Variants in DNAH6 observed in about 807,000 individuals in gnomAD.
DNAH6 encodes the protein dynein axonemal heavy chain 6.
A neutral mutation model predicts 491.4 loss-of-function variants in DNAH6; 340 were observed. The ratio of observed to expected loss-of-function variants is 0.69; its 90% CI spans 0.63 to 0.76. The LOEUF is 0.76. DNAH6 is among the 30% of genes least tolerant of loss of function. DNAH6 has a pLI of 0.00. For synonymous variants in DNAH6, 1,603 were observed against 1,686.1 expected (o/e 0.95, Z 1.21); for missense variants, 4,443 against 4,972.2 (o/e 0.89, Z 3.20).
intron 18 of DNAH6, among the ~76,000 whole-genome samples, chr2:84,600,253 T>G (rs1685084660): frequency 6.6e-6 from 1 of 152,166 alleles, no homozygotes; most frequent in Non-Finnish European, 1.5e-5. Context: ...AGTTTTAGAT[T>G]CATAGAAAAG....
intron 29 of DNAH6, among the ~76,000 whole-genome samples, chr2:84,627,093 C>T (rs72922729): frequency 0.04 from 6,148 of 152,262 alleles, 398 homozygotes; most frequent in African/African-American, 0.14. Flanking sequence ...CCTGAACCAA[C>T]AGCATTAGCA....
intron 35 of DNAH6, among the ~76,000 whole-genome samples, chr2:84,655,153 A>G (rs1690825928): frequency 6.6e-6 from 1 of 152,134 alleles, no homozygotes; most frequent in African/African-American, 2.4e-5. Context: ...CAAAATGAAG[A>G]AAAAGAATAT....
Position 84,812,425 on chromosome 2 carries a change from A to G in DNAH6, c.11824A>G (p.Asn3942Asp). 1 of 1,551,764 alleles carries G rather than the reference A, an allele frequency of 6.4e-7. No individual in the cohort carries two copies. Residue 3942 changes from asparagine to aspartate, a missense_variant, in exon 73 of 77, where the codon AAC (asparagine) becomes GAC (aspartate). This residue lies in a region of DNAH6 where 1,463 missense variants were observed against 1,656.6 expected (regional missense o/e 0.88). Coordinates refer to ENST00000389394, the MANE Select transcript of DNAH6 (RefSeq NM_001370.2). ...GGAAAAAGTGTATAACAGTTTCCTC[A>G]ACAACCAGGTTCCCGCTCTGTGGTC... is the stretch of plus-strand genomic sequence containing the variant. ...EMEKVYNSFL[N>D]NQVPALWSNT...
chr2:84,604,494 C>G lies in DNAH6; in HGVS notation c.3024C>G (p.Ile1008Met). 3 of 1,551,658 alleles carry G rather than the reference C, an allele frequency of 1.9e-6. No homozygotes were observed. The South Asian group carries it at 3.6e-5, about 18-fold the overall frequency. Residue 1008 changes from isoleucine to methionine, a missense_variant, in exon 19 of 77, where the codon ATC (isoleucine) becomes ATG (methionine). Physicochemically the swap from Ile to Met is conservative, Grantham distance 10 (BLOSUM62 1). Coordinates refer to ENST00000389394, the MANE Select transcript of DNAH6 (RefSeq NM_001370.2). ...QLHVFDFGQE[I>M]QDISGQASGE... ...ATGTTTTTGACTTTGGTCAAGAAAT[C>G]CAGGACATATCTGGACAGGCTTCTG... is the stretch of plus-strand genomic sequence containing the variant.
chr2:84,787,411 G>T lies in DNAH6; in HGVS notation c.11239+109G>T, dbSNP rs747215495. 7.8e-6 allele frequency: 6 copies of T among 772,470 alleles called. No homozygotes were observed. In the Admixed American group the frequency reaches 1.8e-4, roughly 23 times the overall value. 47.9% of individuals were successfully genotyped at this position (772,470 alleles called of 1,614,324 possible). A position where few individuals can be genotyped will look rare whatever the true frequency, so the allele number is the denominator to read the frequency against. On this transcript the variant is annotated intron_variant, in intron 68 of 76. Transcript: ENST00000389394. ...TGTCCTCCCCCAGTGTTTAATGGTG[G>T]TGATGATGATATTTTATGTTCCTTG...
the DNAH6 span, among the ~76,000 whole-genome samples, chr2:84,470,895 C>T: frequency 7.9e-5 from 12 of 152,252 alleles, no homozygotes; most frequent in South Asian, 2.1e-4. Context: ...GCAAAGGCCC[C>T]GAGCTCTGGG....
the DNAH6 span, among the ~76,000 whole-genome samples, chr2:84,510,155 T>C: frequency 6.6e-6 from 1 of 152,236 alleles, no homozygotes; most frequent in African/African-American, 2.4e-5. Flanking sequence ...TCCTGGATAA[T>C]ATCCTGCAGA....
At chr2:84,644,875 T>G (rs531340506) in intron 33 of DNAH6, among the ~76,000 whole-genome samples, 2 of 152,326 alleles carry the variant, frequency 1.3e-5, no homozygotes, top group African/African-American at 4.8e-5. Flanking sequence ...ACGTCTTTGC[T>G]ATTTTGAATA....
chr2:84,567,731 G>A (rs1247548571), intron 11 of DNAH6, among the ~76,000 whole-genome samples: 1 of 151,998 alleles, frequency 6.6e-6, no homozygotes, highest in East Asian at 1.9e-4. Flanking sequence ...TCAGGACATA[G>A]GCATGGAAAA....
intron 5 of DNAH6, among the ~76,000 whole-genome samples, chr2:84,545,310 C>T (rs945198244): frequency 2.6e-5 from 4 of 152,116 alleles, no homozygotes; most frequent in African/African-American, 9.7e-5. Flanking sequence ...ATAAGAGGGA[C>T]TATCTCAAGT....
Position 84,713,177 on chromosome 2 carries a change from T to C in DNAH6, c.9461T>C (p.Leu3154Pro), listed in dbSNP as rs758947959. 6 of 1,551,828 alleles carry C rather than the reference T, an allele frequency of 3.9e-6. No individual in the cohort carries two copies. The highest frequency in any genetic ancestry group is 5.2e-6 in the Non-Finnish European group (6 of 1,147,034). Residue 3154 changes from leucine to proline, a missense_variant, in exon 57 of 77, where the codon CTT becomes CCT. Physicochemically the swap from Leu to Pro is moderately conservative, Grantham distance 98. Around this residue, in one of 3 missense-constraint regions of DNAH6, gnomAD observed 1,463 missense variants for 1,656.6 expected, o/e 0.88. Coordinates refer to ENST00000389394, the MANE Select transcript of DNAH6 (RefSeq NM_001370.2). ...AGTGGTGGCCGACTACTCATCCGTC[T>C]TGGAGACTCAGACATTGATTATGAC... ...FISGGRLLIR[L>P]GDSDIDYDKN...
intron 48 of DNAH6, 143 bp downstream of exon 48, chr2:84,699,877 G>A (rs1389071821): frequency 5.2e-6 from 4 of 771,226 alleles, no homozygotes; most frequent in East Asian, 6.0e-5. Context: ...GAATGACCGT[G>A]ACAATCATAG....
At chr2:84,653,258 C>T in intron 33 of DNAH6, 61 bp from the exon 34 acceptor site, 1 of 1,305,304 alleles carries the variant, frequency 7.7e-7, no homozygotes, top group Non-Finnish European at 1.0e-6. Context: ...TTGATTGTAA[C>T]AAATACGGGA....
intron 68 of DNAH6, among the ~76,000 whole-genome samples, chr2:84,789,662 C>CT (rs1677557599): frequency 6.6e-6 from 1 of 152,140 alleles, no homozygotes; most frequent in Admixed American, 6.6e-5. Context: ...ATAACATCTG[C>CT]TTATTATGAG....
chr2:84,677,011 A>G lies in DNAH6; in HGVS notation c.6619A>G (p.Thr2207Ala), dbSNP rs34481428. ...TGGATTTCTCTGCACACAGGATGTAACAATCATATCGGCATGTGCACCTCC... is the reference window on the plus strand; with the variant it reads ...TGGATTTCTCTGCACACAGGATGTAGCAATCATATCGGCATGTGCACCTCC... Reference protein sequence around the residue: ...KLFWKEIQDVTIISACAPPGG... With the variant: ...KLFWKEIQDVAIISACAPPGG... Residue 2207 changes from threonine to alanine, a missense_variant, in exon 41 of 77, where the codon ACA becomes GCA. Transcript: ENST00000389394. 8.4e-6 allele frequency: 13 copies of G among 1,551,718 alleles called. No individual in the cohort carries two copies. The highest frequency in any genetic ancestry group is 1.1e-5 in the Non-Finnish European group (13 of 1,147,006).
chr2:84,768,298 G>C (rs1035541456), intron 64 of DNAH6, among the ~76,000 whole-genome samples: 4 of 151,820 alleles, frequency 2.6e-5, no homozygotes, highest in Non-Finnish European at 5.9e-5. Flanking sequence ...AAGACCAAAA[G>C]TTGACTTTTT....
At chr2:84,585,657 A>C (rs1190232506) in intron 15 of DNAH6, among the ~76,000 whole-genome samples, 2 of 152,074 alleles carry the variant, frequency 1.3e-5, no homozygotes. Flanking sequence ...ATGTATGCCC[A>C]GCTCCTAGCA....
intron 12 of DNAH6, among the ~76,000 whole-genome samples, chr2:84,576,402 G>A (rs1682451715): frequency 6.6e-6 from 1 of 152,222 alleles, no homozygotes; most frequent in South Asian, 2.1e-4. Context: ...AGAGGAGATG[G>A]CATGAATAAA....
rs77788388 is a variant in DNAH6 at position 84,534,534 on chromosome 2, C to G, written c.662+5368C>G. On this transcript the variant is annotated intron_variant, in intron 4 of 76. Transcript: ENST00000389394. ...ACAAACTCAGTTTATCAGCAAAACT[C>G]TTTGTTTTGTGTATGTGAGAAACAC... 2.2e-4 allele frequency among the ~76,000 whole-genome samples: 34 copies of G among 152,072 alleles called. 2 individuals are homozygous for G. The East Asian group carries it at 6.4e-3, about 29-fold the overall frequency.
Sources: allele counts gnomAD v4.1 joint callset (sites outside exome capture counted in the v4.1 genomes callset), GRCh38; gene constraint gnomAD v4.1.1; regional missense constraint gnomAD v4.1.1; transcripts MANE v1.5; gene names NCBI Gene and HGNC (gene_info 2026-07-23, HGNC 2026-07-21).